Variants in PLCG2 observed in about 807,000 individuals in gnomAD.
The protein encoded by PLCG2 is 1-phosphatidylinositol 4,5-bisphosphate phosphodiesterase gamma-2.
A neutral mutation model predicts 175.6 loss-of-function variants in PLCG2; 69 were observed. The ratio of observed to expected loss-of-function variants is 0.39; its 90% CI spans 0.32 to 0.48. The LOEUF (loss-of-function observed/expected upper bound fraction) is 0.48. PLCG2 is among the 20% of genes least tolerant of loss of function. The probability of loss-of-function intolerance (pLI) is 0.91; values close to 1 mark genes in which losing one functional copy is unlikely to be tolerated. For missense variants in PLCG2, 1,798 were observed against 1,650.9 expected (o/e 1.09, Z -1.54); for synonymous variants, 827 against 624.0 (o/e 1.33, Z -4.85).
chr16:81,753,612 T>C (rs1909859262), intron 1 of PLCG2, among the ~76,000 whole-genome samples: 4 of 152,110 alleles, frequency 2.6e-5, no homozygotes, highest in African/African-American at 9.7e-5. Context: ...AGAGAAGGGT[T>C]TCACCATGTT....
chr16:81,930,570 G>A (rs970308980), intron 24 of PLCG2, among the ~76,000 whole-genome samples: 9 of 151,940 alleles, frequency 5.9e-5, no homozygotes, highest in Non-Finnish European at 7.4e-5. Flanking sequence ...GCAACATGGC[G>A]AAACCCCTCT....
intron 2 of PLCG2, among the ~76,000 whole-genome samples, chr16:81,844,768 C>G (rs1245009700): frequency 6.6e-6 from 1 of 152,222 alleles, no homozygotes; most frequent in Non-Finnish European, 1.5e-5. Flanking sequence ...GTGATGGACA[C>G]TTGTATATAA....
At chr16:81,954,583 G>C (rs1336588319) in intron 31 of PLCG2, among the ~76,000 whole-genome samples, 2 of 152,146 alleles carry the variant, frequency 1.3e-5, no homozygotes, top group African/African-American at 2.4e-5. Context: ...AGAACATATG[G>C]TATTTGGTTT....
rs746689563 is a variant in PLCG2 at position 81,895,824 on chromosome 16, C to A, written c.1090C>A (p.Pro364Thr). The A allele has an allele frequency of 6.2e-7, 1 of 1,614,046 alleles. No homozygotes were observed. The highest frequency in any genetic ancestry group is 2.2e-5 in the East Asian group (1 of 44,860). ...CCCTGTAGTGGACTGCTGGGACGGGCCCGATGGGAAGCCGGTCATCTACCA... is the reference window on the plus strand; with the variant it reads ...CCCTGTAGTGGACTGCTGGGACGGGACCGATGGGAAGCCGGTCATCTACCA... ...RCIELDCWDG[P>T]DGKPVIYHGW... Residue 364 changes from proline (P) to threonine (T), a missense_variant, in exon 13 of 33, where the codon CCC (proline) becomes ACC (threonine). By Grantham distance (38) the Pro-to-Thr change is conservative (BLOSUM62 -1). Coordinates refer to ENST00000564138, the MANE Select transcript of PLCG2 (RefSeq NM_002661.5).
Position 81,936,194 on chromosome 16 carries a change from C to T in PLCG2, c.2868C>T (p.Arg956=), listed in dbSNP as rs1910703774. ...AAAATCCTGACTTCCGAGAAATCCG[C>T]TCCTTTGTGGAGACGAAGGCTGACA... ...NLENPDFREI[R]SFVETKADSI... Residue 956 remains arginine (R), a synonymous_variant, in exon 27 of 33, where the codon CGC becomes CGT. Transcript: ENST00000564138. 1.9e-6 allele frequency: 3 copies of T among 1,614,178 alleles called. No individual in the cohort carries two copies. The highest frequency in any genetic ancestry group is 4.5e-5 in the East Asian group (2 of 44,882).
rs763743997 is a variant in PLCG2, at chr16:81,880,892, G to A, written c.649-18G>A. 4.3e-6 allele frequency: 7 copies of A among 1,611,032 alleles called. No individual in the cohort carries two copies. Among genetic ancestry groups the A allele is most frequent in the South Asian group, 1.1e-5 (1 of 90,578 alleles). ...ACTTGTCTAAGGTTCTTTTTTTTGT[G>A]TGTGCTTTCCATTTCAGATTCTCGA... On this transcript the variant is annotated intron_variant, in intron 7 of 32. Transcript: ENST00000564138.
chr16:81,874,574 T>C (rs994768598), intron 7 of PLCG2, among the ~76,000 whole-genome samples: 2 of 152,212 alleles, frequency 1.3e-5, no homozygotes, highest in Non-Finnish European at 2.9e-5. Context: ...GAAAAGTACC[T>C]GTTTTGTGAT....
At chr16:81,854,248 C>T (rs1037449080) in intron 2 of PLCG2, among the ~76,000 whole-genome samples, 196 bp from the exon 3 acceptor site, 1 of 152,202 alleles carries the variant, frequency 6.6e-6, no homozygotes, top group African/African-American at 2.4e-5. Flanking sequence ...GGGGTGGCAG[C>T]AAATGCCCGG....
intron 14 of PLCG2, among the ~76,000 whole-genome samples, 197 bp from the exon 15 acceptor site, chr16:81,905,206 T>G (rs1159481109): frequency 6.6e-6 from 1 of 152,162 alleles, no homozygotes; most frequent in Non-Finnish European, 1.5e-5. Context: ...AATTTTTAGA[T>G]GAAGCTGTAA....
chr16:81,906,997 C>G (rs1232018084), intron 15 of PLCG2, among the ~76,000 whole-genome samples: 4 of 147,086 alleles, frequency 2.7e-5, no homozygotes, highest in Non-Finnish European at 4.5e-5. Context: ...GAGATTGAGC[C>G]ACTGCACTCC....
Position 81,854,521 on chromosome 16 carries a change from A to C in PLCG2, c.271A>C (p.Lys91Gln). Residue 91 changes from lysine (K) to glutamine (Q), a missense_variant, in exon 3 of 33, where the codon AAA (lysine) becomes CAA (glutamine). Coordinates refer to ENST00000564138, the MANE Select transcript of PLCG2 (RefSeq NM_002661.5). Reference sequence around the variant, plus strand: ...CGAGCGAGCAAAAGCAGTTCGCCAGAAAGAAGACTGCTGCTTCACCATCCT... The same window carrying C: ...CGAGCGAGCAAAAGCAGTTCGCCAGCAAGAAGACTGCTGCTTCACCATCCT... ...DFERAKAVRQ[K>Q]EDCCFTILYG... The C allele has an allele frequency of 6.2e-7, 1 of 1,613,996 alleles. No individual in the cohort carries two copies. Among genetic ancestry groups the C allele is most frequent in the Non-Finnish European group, 8.5e-7 (1 of 1,179,812 alleles).
chr16:81,870,067 A>G (rs1907440820), intron 6 of PLCG2, among the ~76,000 whole-genome samples: 1 of 152,192 alleles, frequency 6.6e-6, no homozygotes, highest in African/African-American at 2.4e-5. Flanking sequence ...ATCCCATTTT[A>G]TTGCTTATCA....
chr16:81,813,704 A>T (rs970632538), intron 2 of PLCG2, among the ~76,000 whole-genome samples: 6 of 152,134 alleles, frequency 3.9e-5, no homozygotes, highest in Admixed American at 6.5e-5. Flanking sequence ...TATTCATTGG[A>T]TGGCCAGGCT....
chr16:81,831,661 C>T (rs1211913808), intron 2 of PLCG2, among the ~76,000 whole-genome samples: 1 of 152,110 alleles, frequency 6.6e-6, no homozygotes, highest in African/African-American at 2.4e-5. Context: ...GCATTTGTAC[C>T]CCGAGTGGGA....
At chr16:81,952,006 T>C (rs1911385235) in intron 31 of PLCG2, among the ~76,000 whole-genome samples, 2 of 152,156 alleles carry the variant, frequency 1.3e-5, no homozygotes, top group South Asian at 4.1e-4. Context: ...CACTTCTGTC[T>C]GTTCTAGAAG....
At chr16:81,904,163 G>A (rs1357586815) in intron 14 of PLCG2, among the ~76,000 whole-genome samples, 3 of 152,172 alleles carry the variant, frequency 2.0e-5, no homozygotes, top group African/African-American at 7.2e-5. Flanking sequence ...CCTGTATCAT[G>A]CTGCCATTCA....
At chr16:81,837,921 C>A (rs1370368790) in intron 2 of PLCG2, among the ~76,000 whole-genome samples, 1 of 152,060 alleles carries the variant, frequency 6.6e-6, no homozygotes. Flanking sequence ...AGATTTTCCC[C>A]CATTTTCCTT....
At chr16:81,881,599 C>T (rs2143570362) in intron 8 of PLCG2, among the ~76,000 whole-genome samples, 1 of 152,352 alleles carries the variant, frequency 6.6e-6, no homozygotes, top group African/African-American at 2.4e-5. Context: ...CTTTTGAAAT[C>T]AGAAACTCCA....
intron 2 of PLCG2, among the ~76,000 whole-genome samples, chr16:81,817,988 C>A (rs966879597): frequency 1.1e-4 from 17 of 152,200 alleles, no homozygotes; most frequent in African/African-American, 3.4e-4. Flanking sequence ...AGGGAAGGGG[C>A]AAGATTAGAG....
Sources: gnomAD v4.1 joint callset for allele counts (sites outside exome capture counted in the v4.1 genomes callset) on GRCh38, gnomAD v4.1.1 for gene constraint, MANE v1.5 for transcripts, NCBI Gene and HGNC (gene_info 2026-07-23, HGNC 2026-07-21) for gene names.